The following UROC1 variants were observed in gnomAD, a reference collection of about 807,000 sequenced individuals.
UROC1 encodes urocanate hydratase 1, also known as urocanate hydratase.
A neutral mutation model predicts 89.5 loss-of-function variants in UROC1; 79 were observed. The ratio of observed to expected loss-of-function variants is 0.88; its 90% confidence interval spans 0.74 to 1.06. The LOEUF is 1.06. Among genes scored for constraint, UROC1 ranks in the 50% least tolerant of loss-of-function variants. The pLI is 0.00. For missense variants in UROC1, 885 were observed against 907.8 expected (o/e 0.97, Z 0.32); for synonymous variants, 361 against 354.8 (o/e 1.02, Z -0.20).
At chr3:126,508,734 G>C (rs1264943123) in intron 3 of UROC1, among the ~76,000 whole-genome samples, 2 of 152,130 alleles carry the variant, frequency 1.3e-5, no homozygotes, top group Admixed American at 6.5e-5. Flanking sequence ...AGGCAGGGTT[G>C]ATCTGTGACC....
chr3:126,495,734 C>T (rs1408749862), intron 15 of UROC1, among the ~76,000 whole-genome samples: 1 of 152,212 alleles, frequency 6.6e-6, no homozygotes, highest in Non-Finnish European at 1.5e-5. Context: ...CTCCTGATTT[C>T]CATGTGGCTG....
chr3:126,499,016 C>T (rs1302108039), intron 13 of UROC1, among the ~76,000 whole-genome samples: 1 of 152,024 alleles, frequency 6.6e-6, no homozygotes, highest in Admixed American at 6.5e-5. Context: ...CAGCCACCCA[C>T]GAGGGCCTGT....
intron 18 of UROC1, 68 bp downstream of exon 18, chr3:126,488,130 G>T: frequency 6.4e-7 from 1 of 1,562,894 alleles, no homozygotes; most frequent in Non-Finnish European, 8.8e-7. Context: ...CCTCAGCCTG[G>T]CCCTGCCCCA....
At chr3:126,503,798 C>T (rs903775092) in intron 9 of UROC1, among the ~76,000 whole-genome samples, 197 bp downstream of exon 9, 2 of 152,208 alleles carry the variant, frequency 1.3e-5, no homozygotes, top group Non-Finnish European at 2.9e-5. Context: ...TATCACCACC[C>T]GCGGGTCAGC....
rs148075272 is a variant in UROC1 at position 126,509,593 on chromosome 3, C to T, written c.343G>A (p.Val115Met). ...HMIMNNLDPA[V>M]AQFPQELVTY... ...GTTTCCCTGGCTATTACCTGGGCCA[C>T]GGCAGGATCCAGGTTGTTCATAATC... is the stretch of plus-strand genomic sequence containing the variant. The change falls in exon 3 of 20, where the codon GTG (valine) becomes ATG (methionine). Residue 115 changes from valine to methionine, a missense_variant. By Grantham distance (21) the Val-to-Met change is conservative. Coordinates refer to ENST00000290868, the MANE Select transcript of UROC1 (RefSeq NM_144639.3). 4.1e-4 allele frequency: 632 copies of T among 1,551,776 alleles called. 2 individuals are homozygous for T. The African/African-American group carries it at 4.3e-3, about 11-fold the overall frequency.
chr3:126,496,035 C>A lies in UROC1; in HGVS notation c.1509+3G>T. On this transcript the variant is annotated splice_donor_region_variant and intron_variant, in intron 15 of 19. Coordinates refer to ENST00000290868, the MANE Select transcript of UROC1 (RefSeq NM_144639.3). ...CCAGCCTCCCCCAGGCCTGGGCCCT[C>A]ACCAGCCGGTGCCTGGCGGCCTCCC... 1 of 1,612,790 alleles carries A rather than the reference C, an allele frequency of 6.2e-7. No individual in the cohort carries two copies. Among genetic ancestry groups the A allele is most frequent in the Non-Finnish European group, 8.5e-7 (1 of 1,179,884 alleles).
Position 126,508,036 on chromosome 3 carries a change from G to C in UROC1, c.471C>G (p.Tyr157Ter), listed in dbSNP as rs1432727397. The C allele has an allele frequency of 6.2e-7, 1 of 1,614,070 alleles. No individual in the cohort carries two copies. The highest frequency in any genetic ancestry group is 1.1e-5 in the South Asian group (1 of 91,090). The change falls in exon 5 of 20, where the codon TAC (tyrosine) becomes TAG (stop). Residue 157 changes from tyrosine (Y) to a stop codon, truncating the protein, a stop_gained. Coordinates refer to ENST00000290868, the MANE Select transcript of UROC1 (RefSeq NM_144639.3). LOFTEE classifies it high-confidence loss of function. ...GAAAGAGGCCAAGTGGGTGCCCACT[G>C]TACATGACCAAAGTCTGCTCCTCTG... ...KMTEEQTLVM[Y>*]SGHPLGLFPS...
intron 15 of UROC1, 80 bp downstream of exon 15, chr3:126,495,958 C>T (rs371244886): frequency 1.3e-4 from 185 of 1,386,504 alleles, no homozygotes; most frequent in Admixed American, 1.1e-3. Flanking sequence ...CCAGGCTGAG[C>T]GCCCGTCAGC....
chr3:126,503,744 C>T (rs370734718), intron 9 of UROC1, among the ~76,000 whole-genome samples: 2 of 152,260 alleles, frequency 1.3e-5, no homozygotes, highest in East Asian at 1.9e-4. Context: ...TGGCTGCAGC[C>T]GGCAATGACG....
rs1398152129 is a variant in UROC1, at chr3:126,490,838, C to CG, written c.1609-1464dup. On this transcript the variant is annotated intron_variant, in intron 16 of 19. Transcript: ENST00000290868. ...CACCTTTCAGTCAGGAGAGGGAGCA[C>CG]GCAGGTCAGTATGCAGTTTGCAGTG... 4.6e-5 allele frequency among the ~76,000 whole-genome samples: 7 copies of CG among 152,226 alleles called. 1 individual carries two copies. The Middle Eastern group carries it at 0.014, about 296-fold the overall frequency.
At chr3:126,497,351 A>G (rs931700050) in intron 14 of UROC1, among the ~76,000 whole-genome samples, 7 of 152,288 alleles carry the variant, frequency 4.6e-5, no homozygotes, top group African/African-American at 1.7e-4. Flanking sequence ...TGAAACAACA[A>G]CGTCAGACCC....
chr3:126,508,388 G>A lies in UROC1; in HGVS notation c.411+28C>T, dbSNP rs370738524. The A allele has an allele frequency of 3.7e-6, 6 of 1,610,530 alleles. No homozygotes were observed. The African/African-American group carries it at 5.3e-5, about 14-fold the overall frequency. On this transcript the variant is annotated intron_variant, in intron 4 of 19. Transcript: ENST00000290868. ...CCAGACTAGAGGAAAGGCCAGGGGT[G>A]GGGACGAGGCCACACGGTGTGCAGT...
intron 15 of UROC1, among the ~76,000 whole-genome samples, chr3:126,493,419 G>A (rs544871883): frequency 6.6e-6 from 1 of 152,352 alleles, no homozygotes; most frequent in South Asian, 2.1e-4. Context: ...CCATACAGTG[G>A]ATTGTGATTC....
intron 8 of UROC1, 115 bp from the exon 9 acceptor site, chr3:126,504,198 T>C: frequency 9.9e-7 from 1 of 1,013,584 alleles, no homozygotes; most frequent in Non-Finnish European, 1.5e-6. Context: ...CTTGCTTTTC[T>C]ATAACACAGT....
At chr3:126,491,199 C>T (rs1359056298) in intron 16 of UROC1, among the ~76,000 whole-genome samples, 1 of 152,222 alleles carries the variant, frequency 6.6e-6, no homozygotes, top group Non-Finnish European at 1.5e-5. Flanking sequence ...GAGAGGCTGT[C>T]CTGACCACCG....
chr3:126,514,454 G>T (rs745492051), intron 1 of UROC1, among the ~76,000 whole-genome samples: 63 of 152,222 alleles, frequency 4.1e-4, no homozygotes, highest in Admixed American at 6.5e-4. Context: ...GAGCTGTGTC[G>T]GGCGCATGCT....
chr3:126,509,516 G>T, intron 3 of UROC1, 69 bp downstream of exon 3: 2 of 1,365,942 alleles, frequency 1.5e-6, no homozygotes, highest in Non-Finnish European at 2.0e-6. Context: ...GAGCTTAAAA[G>T]CATGACACGT....
intron 15 of UROC1, among the ~76,000 whole-genome samples, chr3:126,494,157 A>C (rs972104700): frequency 2.0e-5 from 3 of 152,274 alleles, no homozygotes; most frequent in African/African-American, 7.2e-5. Flanking sequence ...CATTAAAAGA[A>C]AATAAATCAA....
Position 126,492,407 on chromosome 3 carries a change from G to C in UROC1, c.1608+11C>G. The C allele has an allele frequency of 6.2e-7, 1 of 1,612,074 alleles. No homozygotes were observed. The highest frequency in any genetic ancestry group is 2.2e-5 in the East Asian group (1 of 44,786). On this transcript the variant is annotated intron_variant, in intron 16 of 19. Transcript: ENST00000290868. ...TGAGGGATGCTTCCCCCAGAGCACA[G>C]GACACCTCACCTTGATCCTCCTGCA...
Sources: gnomAD v4.1 joint callset for allele counts (sites outside exome capture counted in the v4.1 genomes callset) on GRCh38, gnomAD v4.1.1 for gene constraint, MANE v1.5 for transcripts, NCBI Gene and HGNC (gene_info 2026-07-23, HGNC 2026-07-21) for gene names.